The following HGF variants were observed in gnomAD, a reference collection of about 807,000 sequenced individuals.
HGF encodes the protein fibroblast-derived tumor cytotoxic factor.
In HGF, 39 loss-of-function variants were observed where a neutral mutation model predicts 111.6. The ratio of observed to expected loss-of-function variants is 0.35; its 90% CI spans 0.27 to 0.46. The LOEUF (loss-of-function observed/expected upper bound fraction) is 0.46, where lower values mean the gene tolerates loss of function less well. HGF is among the 20% of genes least tolerant of loss of function. The pLI, the probability that HGF is intolerant of heterozygous loss-of-function variation, is 1.00. For missense variants in HGF, 735 were observed against 910.5 expected (o/e 0.81, Z 2.48); for synonymous variants, 285 against 294.8 (o/e 0.97, Z 0.34).
At position 81,757,259 on chromosome 7, in the gene HGF, C is replaced by G. The variant is rs1373900960; in HGVS notation, c.412G>C (p.Gly138Arg). The G allele has an allele frequency of 6.2e-7, 1 of 1,609,196 alleles. No homozygotes were observed. Among genetic ancestry groups the G allele is most frequent in the Non-Finnish European group, 8.5e-7 (1 of 1,175,502 alleles). ...CCACTCTTAGTGATAGATACTGTTC[C>G]CTTGTAGCTGCGTCCTTTACCAATG... is the stretch of plus-strand genomic sequence containing the variant. ...CIIGKGRSYK[G>R]TVSITKSGIK... Residue 138 changes from glycine to arginine, a missense_variant, in exon 4 of 18, where the codon GGA becomes CGA. Physicochemically the swap from Gly to Arg is moderately radical, Grantham distance 125. This residue lies in a region of HGF where 553 missense variants were observed against 685.6 expected (regional missense o/e 0.81). Coordinates refer to ENST00000222390, the MANE Select transcript of HGF (RefSeq NM_000601.6).
intron 15 of HGF, 44 bp downstream of exon 15, chr7:81,706,243 T>C (rs576420401): frequency 6.3e-7 from 1 of 1,588,174 alleles, no homozygotes; most frequent in African/African-American, 1.3e-5. Flanking sequence ...GCTCCAACAA[T>C]TCTTGTCCAG....
intron 7 of HGF, among the ~76,000 whole-genome samples, chr7:81,740,941 C>T (rs1025720128): frequency 6.6e-6 from 1 of 152,154 alleles, no homozygotes; most frequent in Non-Finnish European, 1.5e-5. Context: ...TGTTGTTAGC[C>T]TCTAAGGTTT....
rs1583951473 is a variant in HGF at position 81,729,602 on chromosome 7, C to T, written c.1040+3G>A. 2 of 1,609,216 alleles carry T rather than the reference C, an allele frequency of 1.2e-6. No individual in the cohort carries two copies. The highest frequency in any genetic ancestry group is 1.1e-5 in the South Asian group (1 of 90,984). On this transcript the variant is annotated splice_donor_region_variant and intron_variant, in intron 8 of 17. Coordinates refer to ENST00000222390, the MANE Select transcript of HGF (RefSeq NM_000601.6). The stretch of plus-strand genomic sequence containing the variant: ...ATGTATAACATTTGCCTACTTTACT[C>T]ACTTGCACTTGAAATTTTCAGGAGT...
rs745356078 is a variant in HGF, at chr7:81,702,575, C to T, written c.*6G>A. 3.1e-6 allele frequency: 5 copies of T among 1,607,508 alleles called. No individual in the cohort carries two copies. The South Asian group carries it at 4.4e-5, about 14-fold the overall frequency. On this transcript the variant is annotated 3_prime_UTR_variant, in exon 18 of 18. Transcript: ENST00000222390. The stretch of plus-strand genomic sequence containing the variant: ...TTGGTGGGTGCTTCAGACACACTTA[C>T]TTCAGCTATGACTGTGGTACCTTAT...
intron 17 of HGF, 104 bp from the exon 18 acceptor site, chr7:81,702,861 G>T (rs1358089807): frequency 2.2e-6 from 2 of 896,940 alleles, no homozygotes; most frequent in Non-Finnish European, 3.6e-6. Flanking sequence ...TACAGAAAAA[G>T]AGAATAACTG....
chr7:81,718,926 A>G (rs1304137590), intron 10 of HGF, among the ~76,000 whole-genome samples: 1 of 152,172 alleles, frequency 6.6e-6, no homozygotes, highest in African/African-American at 2.4e-5. Flanking sequence ...CAGTGCTGAA[A>G]TTAGCATTTA....
At chr7:81,743,603 C>T in intron 6 of HGF, 132 bp from the exon 7 acceptor site, 1 of 747,004 alleles carries the variant, frequency 1.3e-6, no homozygotes, top group Non-Finnish European at 2.5e-6. Flanking sequence ...CTATGTTTTG[C>T]CTTACGAGGA....
At chr7:81,768,243 A>G (rs1253092739) in intron 1 of HGF, among the ~76,000 whole-genome samples, 1 of 152,250 alleles carries the variant, frequency 6.6e-6, no homozygotes, top group Non-Finnish European at 1.5e-5. Flanking sequence ...TTGCGTTAGC[A>G]CAGATGAATT....
At chr7:81,754,088 G>T (rs548191715) in intron 4 of HGF, among the ~76,000 whole-genome samples, 126 of 152,018 alleles carry the variant, frequency 8.3e-4, no homozygotes, top group African/African-American at 2.8e-3. Context: ...TGGAAAAGTT[G>T]ATATGGTAGA....
At chr7:81,724,573 C>T (rs1278575066) in intron 9 of HGF, among the ~76,000 whole-genome samples, 1 of 152,096 alleles carries the variant, frequency 6.6e-6, no homozygotes, top group Non-Finnish European at 1.5e-5. Flanking sequence ...GAAAAATCTA[C>T]CTTTTAAAAA....
At chr7:81,751,015 T>C in intron 5 of HGF, 6 of 983,510 alleles carry the variant, frequency 6.1e-6, no homozygotes, top group Non-Finnish European at 7.2e-6. Context: ...TGGAACTGGC[T>C]GTAGCACATA....
intron 7 of HGF, among the ~76,000 whole-genome samples, chr7:81,739,460 A>G (rs928156484): frequency 2.6e-5 from 4 of 152,216 alleles, no homozygotes; most frequent in African/African-American, 4.8e-5. Flanking sequence ...ATACACATAT[A>G]TAGTGTATAG....
intron 5 of HGF, chr7:81,750,836 G>T: frequency 4.4e-6 from 2 of 456,040 alleles, no homozygotes; most frequent in Non-Finnish European, 5.8e-6. Flanking sequence ...TCTTCCATGT[G>T]CAAGTTTAAG....
intron 6 of HGF, among the ~76,000 whole-genome samples, chr7:81,743,719 T>C (rs1788103503): frequency 6.6e-6 from 1 of 152,170 alleles, no homozygotes; most frequent in Admixed American, 6.5e-5. Flanking sequence ...TTCCACTAGC[T>C]GAGGTTCCAA....
intron 9 of HGF, among the ~76,000 whole-genome samples, chr7:81,724,830 C>T (rs898958181): frequency 1.3e-5 from 2 of 152,142 alleles, no homozygotes; most frequent in Non-Finnish European, 2.9e-5. Flanking sequence ...GGGATATAAG[C>T]ATTTCCTTTT....
chr7:81,727,047 T>G (rs1319649702), intron 8 of HGF, among the ~76,000 whole-genome samples: 1 of 56,028 alleles, frequency 1.8e-5, no homozygotes, highest in African/African-American at 5.9e-5. Context: ...GGTTTTTTTT[T>G]TGTTTTTTTT....
intron 4 of HGF, 82 bp downstream of exon 4, chr7:81,757,107 A>C (rs1788813951): frequency 1.3e-6 from 1 of 791,644 alleles, no homozygotes; most frequent in African/African-American, 1.7e-5. Context: ...AGGATTGTAG[A>C]ATTATTCTGA....
intron 4 of HGF, chr7:81,755,763 T>C (rs977645929): frequency 2.2e-6 from 1 of 455,942 alleles, no homozygotes; most frequent in Non-Finnish European, 3.9e-6. Context: ...TTTGTTTTTG[T>C]AATATAAGGA....
At chr7:81,708,026 G>T (rs1178747633) in intron 13 of HGF, among the ~76,000 whole-genome samples, 2 of 151,918 alleles carry the variant, frequency 1.3e-5, no homozygotes, top group African/African-American at 4.8e-5. Flanking sequence ...ACATTTTTTT[G>T]ATGATATCCA....
Sources: allele counts gnomAD v4.1 joint callset (sites outside exome capture counted in the v4.1 genomes callset), GRCh38; gene constraint gnomAD v4.1.1; regional missense constraint gnomAD v4.1.1; transcripts MANE v1.5; gene names NCBI Gene and HGNC (gene_info 2026-07-23, HGNC 2026-07-21).